WWP2: variants seen among roughly 807,000 people sequenced by gnomAD.
The protein encoded by WWP2 is WW domain containing E3 ubiquitin protein ligase 2, also known as NEDD4-like E3 ubiquitin-protein ligase WWP2.
Under a neutral mutation model 121.0 loss-of-function variants are expected in WWP2, and 57 were observed. The ratio of observed to expected loss-of-function variants is 0.47; its 90% CI spans 0.38 to 0.59. The LOEUF (loss-of-function observed/expected upper bound fraction) is 0.59, where lower values mean the gene tolerates loss of function less well. Ranked by LOEUF, WWP2 falls within the 20% of genes least tolerant of loss-of-function variation. WWP2 has a pLI of 0.00. For synonymous variants in WWP2, 449 were observed against 441.3 expected, an observed-to-expected ratio of 1.02 and a Z score of -0.22; for missense variants, 962 against 1,158.9, an observed-to-expected ratio of 0.83 and a Z score of 2.47.
intron 4 of WWP2, among the ~76,000 whole-genome samples, chr16:69,804,174 A>G (rs1375743586): frequency 6.6e-6 from 1 of 152,054 alleles, no homozygotes; most frequent in African/African-American, 2.4e-5. Context: ...GTATGTTTTT[A>G]ACTTTCTGTA....
intron 6 of WWP2, among the ~76,000 whole-genome samples, chr16:69,862,435 C>T (rs1229423115): frequency 6.6e-6 from 1 of 151,544 alleles, no homozygotes. Flanking sequence ...GGATCTCTCT[C>T]AGCTCACTGC....
At chr16:69,911,356 CAAG>C (rs1011250422) in intron 9 of WWP2, among the ~76,000 whole-genome samples, 11 of 152,154 alleles carry the variant, frequency 7.2e-5, no homozygotes, top group African/African-American at 2.7e-4. Flanking sequence ...CACTGTGAAA[CAAG>C]AGGATTGAGG....
At chr16:69,798,197 T>C (rs1745894135) in intron 2 of WWP2, among the ~76,000 whole-genome samples, 1 of 152,212 alleles carries the variant, frequency 6.6e-6, no homozygotes, top group African/African-American at 2.4e-5. Flanking sequence ...CTTTAAAAAG[T>C]GTTCGTATCC....
chr16:69,775,125 G>C (rs980846082), intron 1 of WWP2: 2 of 152,176 alleles, frequency 1.3e-5, no homozygotes, highest in African/African-American at 2.4e-5. Context: ...TTGGACAAAA[G>C]GGGTATGATT....
rs2056127339 is a variant in WWP2 at position 69,799,966 on chromosome 16, CGA to C, written c.340+672_340+673del. ...CTATTCAGAGCAGTACCATATGTGGCGAATGAATGGCATGGAAAGAAAGGCTC... is the reference window on the plus strand; with the variant it reads ...CTATTCAGAGCAGTACCATATGTGGCATGAATGGCATGGAAAGAAAGGCTC... On this transcript the variant is annotated intron_variant, in intron 4 of 23. Coordinates refer to ENST00000359154, the MANE Select transcript of WWP2 (RefSeq NM_001270454.2). The surrounding 1 kb of genome is among the most constrained non-coding windows in gnomAD (Gnocchi z 4.5). 6.8e-6 allele frequency among the ~76,000 whole-genome samples: 1 copy of C among 147,832 alleles called. No homozygotes were observed. The highest frequency in any genetic ancestry group is 1.5e-5 in the Non-Finnish European group (1 of 67,598).
chr16:69,907,016 A>G (rs1368327721), intron 8 of WWP2, among the ~76,000 whole-genome samples: 2 of 152,264 alleles, frequency 1.3e-5, no homozygotes, highest in Non-Finnish European at 2.9e-5. Flanking sequence ...GCAGTTTTAC[A>G]CATGTTAAAT....
chr16:69,779,271 A>G (rs2055612912), intron 1 of WWP2, among the ~76,000 whole-genome samples: 1 of 152,098 alleles, frequency 6.6e-6, no homozygotes, highest in South Asian at 2.1e-4. Flanking sequence ...ATTTTTCTTT[A>G]TGCATCAATT....
Position 69,937,325 on chromosome 16 carries a change from C to T in WWP2, c.2238+87C>T. The T allele has an allele frequency of 6.4e-7, 1 of 1,561,688 alleles. No homozygotes were observed. The highest frequency in any genetic ancestry group is 8.7e-7 in the Non-Finnish European group (1 of 1,153,182). ...TACGCTCACTGTGTACCCACAGACA[C>T]TCAGCGTAAAACTCCCACTTCGGCA... On this transcript the variant is annotated intron_variant, in intron 20 of 23. Transcript: ENST00000359154. This position sits in a 1 kb window ranked among gnomAD's most constrained non-coding sequence, Gnocchi z 6.6.
chr16:69,936,107 T>C (rs1567446011), intron 18 of WWP2, 121 bp downstream of exon 18: 1 of 1,481,748 alleles, frequency 6.7e-7, no homozygotes. Flanking sequence ...TTCCAGCCTC[T>C]ATAAGAGCTT....
intron 1 of WWP2, among the ~76,000 whole-genome samples, chr16:69,769,087 G>A (rs1258527131): frequency 3.3e-5 from 5 of 152,202 alleles, no homozygotes; most frequent in Non-Finnish European, 5.9e-5. Context: ...GGGAGGCCAA[G>A]GCGGGTGGAT....
Position 69,841,036 on chromosome 16 carries a change from T to C in WWP2, c.478+773T>C, listed in dbSNP as rs141473659. ...GGACTGATCGGTGTTTGGGGTGCTT[T>C]GGTGCTTGGAGAAAAACATGTGTCA... On this transcript the variant is annotated intron_variant, in intron 5 of 23. Coordinates refer to ENST00000359154, the MANE Select transcript of WWP2 (RefSeq NM_001270454.2). 2.5e-3 allele frequency among the ~76,000 whole-genome samples: 383 copies of C among 152,308 alleles called. 2 individuals carry two copies. The highest frequency in any genetic ancestry group is 8.7e-3 in the African/African-American group (363 of 41,572).
At chr16:69,774,446 G>C (rs935031672) in intron 1 of WWP2, among the ~76,000 whole-genome samples, 1 of 152,062 alleles carries the variant, frequency 6.6e-6, no homozygotes, top group African/African-American at 2.4e-5. Context: ...TTGTTGAGAC[G>C]AGGTTTTGCC....
chr16:69,812,669 C>T (rs547160596), intron 4 of WWP2, among the ~76,000 whole-genome samples: 1 of 151,984 alleles, frequency 6.6e-6, no homozygotes, highest in South Asian at 2.1e-4. Context: ...GCAGATTCCC[C>T]TCAACTTGGG....
intron 4 of WWP2, among the ~76,000 whole-genome samples, chr16:69,833,090 C>T (rs2056820220): frequency 6.6e-6 from 1 of 152,142 alleles, no homozygotes. Context: ...AACTCTTGGA[C>T]TCAAGCGAGC....
In WWP2 at chr16:69,803,705, C is replaced by T. The variant is rs1385944894; in HGVS notation, c.340+4410C>T. Among the ~76,000 whole-genome samples the T allele has an allele frequency of 2.0e-5, 3 of 152,148 alleles. No homozygotes were observed. In the South Asian group the frequency reaches 6.2e-4, roughly 32 times the overall value. On this transcript the variant is annotated intron_variant, in intron 4 of 23. Transcript: ENST00000359154. ...GGTTGATCACCTGAGGCCAGGAGTT[C>T]GAGACCAGCCTAGCCAATATGGTGA...
chr16:69,877,955 G>A (rs563399479), intron 7 of WWP2, among the ~76,000 whole-genome samples: 15 of 151,962 alleles, frequency 9.9e-5, no homozygotes, highest in South Asian at 4.2e-4. Flanking sequence ...TTATAGGCGC[G>A]TGCCACCGTG....
In WWP2 at chr16:69,935,364, A is replaced by G. The variant is rs1458918223; in HGVS notation, c.1843-489A>G. ...AGACCCGCCTGGCCCAGCAGCCAGC[A>G]GGACAGACCGGTAAAACCCTAGACT... On this transcript the variant is annotated intron_variant, in intron 17 of 23. Coordinates refer to ENST00000359154, the MANE Select transcript of WWP2 (RefSeq NM_001270454.2). The surrounding 1 kb of genome is among the most constrained non-coding windows in gnomAD (Gnocchi z 5.2). Among the ~76,000 whole-genome samples, 1 of 152,220 alleles carries G rather than the reference A, an allele frequency of 6.6e-6. No homozygotes were observed. The highest frequency in any genetic ancestry group is 1.5e-5 in the Non-Finnish European group (1 of 68,036).
intron 9 of WWP2, among the ~76,000 whole-genome samples, chr16:69,912,105 C>T (rs530402445): frequency 2.0e-5 from 3 of 152,070 alleles, no homozygotes; most frequent in South Asian, 4.2e-4. Flanking sequence ...CTGGCTAACA[C>T]GGTGAAACCC....
At chr16:69,800,427 A>G (rs2151815257) in intron 4 of WWP2, among the ~76,000 whole-genome samples, 1 of 152,302 alleles carries the variant, frequency 6.6e-6, no homozygotes, top group South Asian at 2.1e-4. Flanking sequence ...AACCAGCATG[A>G]GGGTCCTTTT....
Sources: gnomAD v4.1 joint callset for allele counts (sites outside exome capture counted in the v4.1 genomes callset) on GRCh38, gnomAD v4.1.1 for gene constraint, Gnocchi (gnomAD v3.1) non-coding constraint, MANE v1.5 for transcripts, NCBI Gene and HGNC (gene_info 2026-07-23, HGNC 2026-07-21) for gene names.